Variants in HNF4G observed in about 807,000 individuals in gnomAD.
HNF4G encodes hepatocyte nuclear factor 4 gamma, also known as hepatocyte nuclear factor 4-gamma.
In HNF4G, 21 loss-of-function variants were observed where a neutral mutation model predicts 50.9. The ratio of observed to expected loss-of-function variants is 0.41; its 90% confidence interval spans 0.29 to 0.59. HNF4G has a LOEUF of 0.59. HNF4G is among the 20% of genes least tolerant of loss of function. HNF4G has a pLI of 0.26. For synonymous variants in HNF4G, 198 were observed against 185.6 expected (o/e 1.07, Z -0.54); for missense variants, 527 against 559.4 (o/e 0.94, Z 0.58).
At position 75,412,146 on chromosome 8, in the gene HNF4G, T is replaced by C. The variant is rs142326359; in HGVS notation, c.-144+3984T>C. ...CTGGAAACCTGTCCAAGCCCTCTAA[T>C]AGGCCTTGGAGATGTATTGATGAAT... is the stretch of plus-strand genomic sequence containing the variant. On this transcript the variant is annotated intron_variant, in intron 1 of 10. Coordinates refer to the HNF4G transcript ENST00000354370. 7.2e-3 allele frequency among the ~76,000 whole-genome samples: 1,098 copies of C among 152,346 alleles called. 6 individuals are homozygous for C. The highest frequency in any genetic ancestry group is 0.011 in the Non-Finnish European group (756 of 68,036).
chr8:75,442,894 T>G (rs1272912032), intron 1 of HNF4G, among the ~76,000 whole-genome samples: 1 of 148,714 alleles, frequency 6.7e-6, no homozygotes, highest in African/African-American at 2.4e-5. Context: ...TGACCATGAC[T>G]GGAAAGCATG....
At chr8:75,532,990 C>G (rs1285247862) in intron 2 of HNF4G, among the ~76,000 whole-genome samples, 1 of 151,952 alleles carries the variant, frequency 6.6e-6, no homozygotes. Flanking sequence ...ATTATTTTAT[C>G]ATGATTACTT....
intron 1 of HNF4G, among the ~76,000 whole-genome samples, chr8:75,434,970 G>T (rs369018370): frequency 5.3e-5 from 8 of 152,060 alleles, no homozygotes; most frequent in African/African-American, 1.7e-4. Context: ...GATTTCACAG[G>T]TGCATCTATC....
At chr8:75,526,544 C>G (rs993590778) in intron 2 of HNF4G, among the ~76,000 whole-genome samples, 2 of 150,148 alleles carry the variant, frequency 1.3e-5, no homozygotes, top group Non-Finnish European at 1.5e-5. Context: ...TCTTCTTCTT[C>G]TTTTTTTGAG....
At chr8:75,560,571 GTGTAATTT>G (rs1807281938) in intron 9 of HNF4G, 105 bp downstream of exon 9, 1 of 1,067,048 alleles carries the variant, frequency 9.4e-7, no homozygotes, top group Non-Finnish European at 1.4e-6. Context: ...CAAAAACTTG[GTGTAATTT>G]CCCATCTGAG....
intron 2 of HNF4G, among the ~76,000 whole-genome samples, chr8:75,545,235 T>G (rs1806738458): frequency 1.0e-5 from 1 of 96,696 alleles, no homozygotes; most frequent in Non-Finnish European, 2.1e-5. Context: ...TCTGTTAAAA[T>G]TGAATGTGTG....
chr8:75,525,420 G>A (rs948189669), intron 2 of HNF4G, among the ~76,000 whole-genome samples: 10 of 152,054 alleles, frequency 6.6e-5, no homozygotes, highest in Admixed American at 2.0e-4. Context: ...TGGCCGCTTC[G>A]GCCTCCCAAA....
At chr8:75,555,272 T>C (rs1212029554) in intron 5 of HNF4G, among the ~76,000 whole-genome samples, 2 of 152,178 alleles carry the variant, frequency 1.3e-5, no homozygotes, top group African/African-American at 4.8e-5. Context: ...GAACAAGCAC[T>C]TTGGATTACG....
At chr8:75,445,528 G>A (rs377220511) in intron 1 of HNF4G, among the ~76,000 whole-genome samples, 319 of 24,908 alleles carry the variant, frequency 0.013, 2 homozygotes, top group Non-Finnish European at 0.016. Flanking sequence ...TTGATAGACC[G>A]CTAGCAAGAC....
At chr8:75,555,392 CGAATGAAGCTCAGTTGA>C (rs1344456268) in intron 5 of HNF4G, among the ~76,000 whole-genome samples, 3 of 152,064 alleles carry the variant, frequency 2.0e-5, no homozygotes, top group Non-Finnish European at 4.4e-5. Context: ...ATTGAGTGTA[CGAATGAAGCTCAGTTGA>C]GAGCTTACTG....
chr8:75,558,675 G>A lies in HNF4G; in HGVS notation c.886+5G>A, dbSNP rs1368692987. On this transcript the variant is annotated splice_donor_5th_base_variant and intron_variant, in intron 7 of 9. Transcript: ENST00000396423. ...CAATTGTATTTTTTGATCCAGGTTG[G>A]TTTTCAAAATTCCACTAGAGAATTA... 1 of 1,608,294 alleles carries A rather than the reference G, an allele frequency of 6.2e-7. No homozygotes were observed. Among genetic ancestry groups the A allele is most frequent in the Non-Finnish European group, 8.5e-7 (1 of 1,178,028 alleles).
chr8:75,413,817 A>G (rs996486136), intron 1 of HNF4G, among the ~76,000 whole-genome samples: 7 of 152,080 alleles, frequency 4.6e-5, no homozygotes, highest in African/African-American at 1.7e-4. Context: ...AGATTCTAGC[A>G]TTACACTCCA....
chr8:75,449,183 T>C (rs2130572521), intron 1 of HNF4G, among the ~76,000 whole-genome samples: 1 of 152,324 alleles, frequency 6.6e-6, no homozygotes, highest in South Asian at 2.1e-4. Flanking sequence ...TGCTTCTATC[T>C]TTCTGCTTTG....
At chr8:75,408,271 G>C (rs1278541866) in intron 1 of HNF4G, 1 of 152,610 alleles carries the variant, frequency 6.6e-6, no homozygotes, top group Non-Finnish European at 1.5e-5. Flanking sequence ...AGGAGAGAGA[G>C]AGAGAGAGTT....
At chr8:75,484,809 G>C (rs971406199) in intron 1 of HNF4G, among the ~76,000 whole-genome samples, 1 of 152,160 alleles carries the variant, frequency 6.6e-6, no homozygotes, top group African/African-American at 2.4e-5. Context: ...GAATTGCAAG[G>C]CACTCTCTGA....
rs1807457867 is a variant in HNF4G, at chr8:75,566,189, T to C, written c.*2093T>C. 1 of 152,124 alleles carries C rather than the reference T, an allele frequency of 6.6e-6. No individual in the cohort carries two copies. Among genetic ancestry groups the C allele is most frequent in the African/African-American group, 2.4e-5 (1 of 41,436 alleles). The allele number at this position is 152,124 out of a possible 1,614,324, so 9.4% of individuals were successfully genotyped here. ...ATCAACAAATTAGGCCTCTGGATCA[T>C]ACATGGCATTTTCTAGCTGTGTCCT... On this transcript the variant is annotated 3_prime_UTR_variant, in exon 10 of 10. Coordinates refer to ENST00000396423, the MANE Select transcript of HNF4G (RefSeq NM_004133.5).
chr8:75,534,046 C>G (rs1205951654), intron 2 of HNF4G, among the ~76,000 whole-genome samples: 1 of 151,736 alleles, frequency 6.6e-6, no homozygotes, highest in Non-Finnish European at 1.5e-5. Context: ...AACATTATAC[C>G]TCTTCAGAAC....
intron 1 of HNF4G, among the ~76,000 whole-genome samples, chr8:75,418,444 T>A (rs1455916826): frequency 1.3e-5 from 2 of 152,200 alleles, no homozygotes; most frequent in African/African-American, 4.8e-5. Flanking sequence ...AGTCTATGCA[T>A]ATATTTGTTT....
intron 2 of HNF4G, among the ~76,000 whole-genome samples, chr8:75,522,375 A>C (rs1196671604): frequency 6.6e-5 from 10 of 152,184 alleles, no homozygotes; most frequent in Admixed American, 5.9e-4. Flanking sequence ...GTTCTTTATA[A>C]TTCTCAAAAG....
Sources: allele counts gnomAD v4.1 joint callset (sites outside exome capture counted in the v4.1 genomes callset), GRCh38; gene constraint gnomAD v4.1.1; transcripts MANE v1.5; gene names NCBI Gene and HGNC (gene_info 2026-07-23, HGNC 2026-07-21).